SGCZ: variants seen among roughly 807,000 people sequenced by gnomAD.
The protein encoded by SGCZ is sarcoglycan zeta.
In SGCZ, 40 loss-of-function variants were observed where a neutral mutation model predicts 41.3. The observed-to-expected ratio is 0.97, with a 90% CI of 0.75 to 1.26. The LOEUF is 1.26. SGCZ is among the 50% of genes most tolerant of loss of function. The pLI, the probability that SGCZ is intolerant of heterozygous loss-of-function variation, is 0.00. For synonymous variants in SGCZ, 206 were observed against 137.5 expected (o/e 1.50, Z -3.49); for missense variants, 552 against 369.8 (o/e 1.49, Z -4.04).
chr8:14,455,966 G>A (rs947345244), intron 2 of SGCZ, among the ~76,000 whole-genome samples: 1 of 152,152 alleles, frequency 6.6e-6, no homozygotes, highest in Non-Finnish European at 1.5e-5. Flanking sequence ...TAGATTTGTA[G>A]TTACCTACAG....
At chr8:14,498,726 T>C (rs1426207898) in intron 2 of SGCZ, among the ~76,000 whole-genome samples, 1 of 152,090 alleles carries the variant, frequency 6.6e-6, no homozygotes, top group East Asian at 1.9e-4. Context: ...TTATTTGTGT[T>C]ACTCATAAGT....
chr8:14,174,670 T>G (rs1804489599), intron 4 of SGCZ, among the ~76,000 whole-genome samples: 1 of 152,126 alleles, frequency 6.6e-6, no homozygotes, highest in Admixed American at 6.5e-5. Flanking sequence ...ATATTTAACC[T>G]AATACTGACC....
chr8:14,380,812 T>C (rs1001115891), intron 2 of SGCZ, among the ~76,000 whole-genome samples: 23 of 152,178 alleles, frequency 1.5e-4, no homozygotes, highest in African/African-American at 5.5e-4. Flanking sequence ...TGAGTTGAGA[T>C]CATGCCACTG....
At chr8:14,460,820 G>C (rs1358594570) in intron 2 of SGCZ, among the ~76,000 whole-genome samples, 1 of 152,086 alleles carries the variant, frequency 6.6e-6, no homozygotes, top group Admixed American at 6.6e-5. Context: ...ATTCAATTTA[G>C]ATACTTGTTT....
chr8:14,906,856 A>G (rs1334738089), intron 1 of SGCZ, among the ~76,000 whole-genome samples: 1 of 152,222 alleles, frequency 6.6e-6, no homozygotes, highest in African/African-American at 2.4e-5. Flanking sequence ...TAAGGAGTAT[A>G]TATCACAGAT....
chr8:14,985,070 G>T (rs1585438284), intron 1 of SGCZ, among the ~76,000 whole-genome samples: 1 of 152,080 alleles, frequency 6.6e-6, no homozygotes, highest in Admixed American at 6.6e-5. Context: ...TTATTTGAAG[G>T]CAAGCCAATA....
intron 1 of SGCZ, among the ~76,000 whole-genome samples, chr8:15,086,399 A>C (rs1805952554): frequency 6.6e-6 from 1 of 152,182 alleles, no homozygotes; most frequent in African/African-American, 2.4e-5. Context: ...CTAAACATGG[A>C]AAGTATGTTT....
chr8:14,507,768 GTTTTTGTTTTTTT>G (rs1802348157), intron 2 of SGCZ, among the ~76,000 whole-genome samples: 1 of 62,220 alleles, frequency 1.6e-5, no homozygotes, highest in African/African-American at 8.8e-5. Flanking sequence ...TTGTTTTTTT[GTTTTTGTTTTTTT>G]TTTTTTCGAG....
chr8:15,046,537 A>T (rs763751753), intron 1 of SGCZ, among the ~76,000 whole-genome samples: 2 of 152,010 alleles, frequency 1.3e-5, no homozygotes, highest in African/African-American at 2.4e-5. Flanking sequence ...TGTTCCCGTC[A>T]TTCTTTGAAC....
chr8:14,309,772 T>C (rs62497774), intron 3 of SGCZ: 89 of 1,510,648 alleles, frequency 5.9e-5, no homozygotes, highest in Non-Finnish European at 5.9e-5. Context: ...TGGACTGCAT[T>C]TAAATTTCAT....
At chr8:14,189,600 GCCGTCTGCT>G (rs1158218695) in intron 4 of SGCZ, among the ~76,000 whole-genome samples, 15 of 152,132 alleles carry the variant, frequency 9.9e-5, no homozygotes, top group Non-Finnish European at 1.5e-5. Flanking sequence ...TTCATAATGA[GCCGTCTGCT>G]CAGAGAGCTC....
At chr8:15,018,213 C>T (rs1395103716) in intron 1 of SGCZ, among the ~76,000 whole-genome samples, 1 of 152,150 alleles carries the variant, frequency 6.6e-6, no homozygotes, top group Non-Finnish European at 1.5e-5. Context: ...TTTACTCATT[C>T]GGCACATGTT....
At chr8:14,293,005 C>G (rs556262920) in intron 3 of SGCZ, among the ~76,000 whole-genome samples, 1 of 151,962 alleles carries the variant, frequency 6.6e-6, no homozygotes, top group Non-Finnish European at 1.5e-5. Flanking sequence ...ATATGGAGAA[C>G]AGAATGGTTT....
chr8:15,206,394 G>A (rs969062620), intron 1 of SGCZ, among the ~76,000 whole-genome samples: 34 of 151,566 alleles, frequency 2.2e-4, no homozygotes, highest in Non-Finnish European at 4.0e-4. Flanking sequence ...TGCAGCAGAG[G>A]GTCATTTTAA....
At chr8:15,011,464 C>A (rs957886316) in intron 1 of SGCZ, among the ~76,000 whole-genome samples, 3 of 151,908 alleles carry the variant, frequency 2.0e-5, no homozygotes, top group African/African-American at 7.2e-5. Context: ...AGAATTTTTC[C>A]AAAGATTTTA....
At chr8:14,525,052 G>T (rs562913689) in intron 2 of SGCZ, among the ~76,000 whole-genome samples, 171 of 152,114 alleles carry the variant, frequency 1.1e-3, no homozygotes, top group African/African-American at 3.9e-3. Flanking sequence ...TAGGTAGAGA[G>T]ATAGATGATG....
rs1321407485 is a variant in SGCZ, at chr8:14,087,181, T to A, written c.*3262A>T. Among the ~76,000 whole-genome samples the A allele has an allele frequency of 6.6e-6, 1 of 151,556 alleles. No individual in the cohort carries two copies. The highest frequency in any genetic ancestry group is 2.4e-5 in the African/African-American group (1 of 41,340). Reference sequence around the variant, plus strand: ...ATAAAACATATCATTCACAATAAAATATATATATTTTAGACATAAATGTGT... The same window carrying A: ...ATAAAACATATCATTCACAATAAAAAATATATATTTTAGACATAAATGTGT... On this transcript the variant is annotated 3_prime_UTR_variant, in exon 8 of 8. Transcript: ENST00000382080.
intron 1 of SGCZ, among the ~76,000 whole-genome samples, chr8:15,004,049 C>A (rs1209264005): frequency 6.6e-6 from 1 of 151,856 alleles, no homozygotes; most frequent in African/African-American, 2.4e-5. Context: ...CAGAGATCAC[C>A]CAAAATGTGC....
intron 1 of SGCZ, among the ~76,000 whole-genome samples, chr8:14,857,428 T>C (rs927053476): frequency 6.6e-6 from 1 of 152,232 alleles, no homozygotes; most frequent in Admixed American, 6.5e-5. Flanking sequence ...ATTTTCCCAA[T>C]ACTCTATAAT....
Sources: allele counts gnomAD v4.1 joint callset (sites outside exome capture counted in the v4.1 genomes callset), GRCh38; gene constraint gnomAD v4.1.1; transcripts MANE v1.5; gene names NCBI Gene and HGNC (gene_info 2026-07-23, HGNC 2026-07-21).